FAN1: variants seen among roughly 807,000 people sequenced by gnomAD.
The protein encoded by FAN1 is FANCD2 and FANCI associated nuclease 1.
Under a neutral mutation model 104.9 loss-of-function variants are expected in FAN1, and 91 were observed. That is an observed-to-expected ratio of 0.87 (90% CI 0.73 to 1.03). The LOEUF is 1.03. Among genes scored for constraint, FAN1 ranks in the 50% least tolerant of loss-of-function variants. The pLI, the probability that FAN1 is intolerant of heterozygous loss-of-function variation, is 0.00. For synonymous variants in FAN1, 478 were observed against 457.6 expected, an observed-to-expected ratio of 1.04 and a Z score of -0.57; for missense variants, 1,263 against 1,239.9, an observed-to-expected ratio of 1.02 and a Z score of -0.28.
At chr15:30,910,161 T>C (rs2062066738) in intron 3 of FAN1, among the ~76,000 whole-genome samples, 1 of 152,222 alleles carries the variant, frequency 6.6e-6, no homozygotes, top group Non-Finnish European at 1.5e-5. Flanking sequence ...CCAAGGTTGG[T>C]GTCGGGGCCC....
chr15:30,924,751 C>T (rs995644471), intron 8 of FAN1, among the ~76,000 whole-genome samples: 8 of 140,944 alleles, frequency 5.7e-5, no homozygotes, highest in African/African-American at 1.1e-4. Context: ...TGTGTGGATC[C>T]GGGGTGGGAC....
chr15:30,934,881 TCTA>T (rs1308213300), intron 13 of FAN1, among the ~76,000 whole-genome samples: 1 of 152,250 alleles, frequency 6.6e-6, no homozygotes, highest in East Asian at 1.9e-4. Flanking sequence ...ATATTTTACT[TCTA>T]CGTGTTATAT....
Position 30,905,472 on chromosome 15 carries a change from C to G in FAN1, c.809C>G (p.Thr270Ser). ...ATCATGTTATTCTCACCAGATTTCA[C>G]TCTTAGGAATACATTAAAGTCTACT... ...NAIMLFSPDFTLRNTLKSTSE... is the reference protein window; with the variant it reads ...NAIMLFSPDFSLRNTLKSTSE... Residue 270 changes from threonine (T) to serine (S), a missense_variant, in exon 2 of 15, where the codon ACT becomes AGT. Physicochemically the swap from Thr to Ser is moderately conservative, Grantham distance 58. This residue lies in a region of FAN1 where 682 missense variants were observed against 571.1 expected (regional missense o/e 1.19). Transcript: ENST00000362065. The G allele has an allele frequency of 3.7e-6, 6 of 1,613,942 alleles. No individual in the cohort carries two copies. Among genetic ancestry groups the G allele is most frequent in the Non-Finnish European group, 4.2e-6 (5 of 1,179,842 alleles).
In FAN1 at chr15:30,941,664, T is replaced by C; in HGVS notation, c.*102T>C. On this transcript the variant is annotated 3_prime_UTR_variant, in exon 15 of 15. Transcript: ENST00000362065. ...CCGCTGGCGTTGAAGTACATCCTGC[T>C]CTGGCCCAGCTCCCCATAGCAGGCC... The C allele has an allele frequency of 6.2e-7, 1 of 1,613,140 alleles. No individual in the cohort carries two copies. The highest frequency in any genetic ancestry group is 8.5e-7 in the Non-Finnish European group (1 of 1,179,544).
At chr15:30,912,446 T>C (rs1159687083) in intron 4 of FAN1, among the ~76,000 whole-genome samples, 1 of 152,256 alleles carries the variant, frequency 6.6e-6, no homozygotes, top group Non-Finnish European at 1.5e-5. Context: ...TTTTGCAGAC[T>C]GGAGGCTGTG....
intron 13 of FAN1, among the ~76,000 whole-genome samples, chr15:30,936,806 C>T (rs1490609834): frequency 6.6e-6 from 1 of 152,210 alleles, no homozygotes; most frequent in African/African-American, 2.4e-5. Context: ...TGGTTATCCT[C>T]ATGATCATGT....
intron 6 of FAN1, 113 bp downstream of exon 6, chr15:30,918,408 A>G: frequency 9.1e-7 from 1 of 1,102,384 alleles, no homozygotes; most frequent in East Asian, 2.4e-5. Flanking sequence ...TGGTTAAACC[A>G]GCTGTGGAAT....
intron 3 of FAN1, among the ~76,000 whole-genome samples, chr15:30,909,820 G>A (rs569934926): frequency 3.9e-4 from 59 of 152,300 alleles, no homozygotes; most frequent in Non-Finnish European, 6.9e-4. Context: ...TCCCCGCTGC[G>A]TGGTGTTACC....
intron 13 of FAN1, among the ~76,000 whole-genome samples, chr15:30,934,837 A>G (rs946709671): frequency 1.3e-5 from 2 of 152,172 alleles, no homozygotes; most frequent in African/African-American, 4.8e-5. Flanking sequence ...TCAATAATAT[A>G]TATCTTCCCT....
In FAN1 at chr15:30,941,625, C is replaced by T. The variant is rs192270290; in HGVS notation, c.*63C>T. The T allele has an allele frequency of 3.5e-5, 56 of 1,605,476 alleles. No homozygotes were observed. Among genetic ancestry groups the T allele is most frequent in the Admixed American group, 3.4e-4 (20 of 58,144 alleles). On this transcript the variant is annotated 3_prime_UTR_variant, in exon 15 of 15. Coordinates refer to ENST00000362065, the MANE Select transcript of FAN1 (RefSeq NM_014967.5). Reference sequence around the variant, plus strand: ...AGAAACTCCGGTGTCCCCGAGGTGTCGGTGTGGTGAGGGCCGCTGGCGTTG... The same window carrying T: ...AGAAACTCCGGTGTCCCCGAGGTGTTGGTGTGGTGAGGGCCGCTGGCGTTG...
chr15:30,937,320 GTTTTA>G (rs748704202), intron 14 of FAN1, 61 bp downstream of exon 14: 4 of 1,492,428 alleles, frequency 2.7e-6, no homozygotes, highest in African/African-American at 2.8e-5. Flanking sequence ...TATAAAACAT[GTTTTA>G]TTTAATTTTG....
rs553616266 is a variant in FAN1, at chr15:30,938,691, T to C, written c.*3+1432T>C. Among the ~76,000 whole-genome samples, 10 of 152,202 alleles carry C rather than the reference T, an allele frequency of 6.6e-5. No homozygotes were observed. The East Asian group carries it at 1.9e-3, about 29-fold the overall frequency. On this transcript the variant is annotated intron_variant, in intron 14 of 14. Transcript: ENST00000362065. The stretch of plus-strand genomic sequence containing the variant: ...TCTTTGAAGCCTTCTTGGGGGAATA[T>C]TACTCCCCAGTTTTTATATTTATTT...
intron 5 of FAN1, among the ~76,000 whole-genome samples, chr15:30,914,348 C>G (rs1056258593): frequency 1.3e-5 from 2 of 152,056 alleles, no homozygotes; most frequent in Non-Finnish European, 2.9e-5. Context: ...TTCCAAGTAC[C>G]TTTGGAAGGG....
intron 10 of FAN1, chr15:30,927,868 C>T: frequency 2.0e-6 from 2 of 985,710 alleles, no homozygotes; most frequent in Non-Finnish European, 2.4e-6. Flanking sequence ...GACCCTGCCT[C>T]TGACTCTGTG....
rs773801463 is a variant in FAN1, at chr15:30,904,972, A to G, written c.309A>G (p.Pro103=). ...TLEDVTPKKS[P]PPKTNLTPGQ... is the part of the protein sequence containing the mutation. Reference sequence around the variant, plus strand: ...AAGATGTAACACCTAAGAAGTCACCACCACCAAAGACAAATTTAACCCCTG... The same window carrying G: ...AAGATGTAACACCTAAGAAGTCACCGCCACCAAAGACAAATTTAACCCCTG... The change falls in exon 2 of 15, where the codon CCA becomes CCG. Residue 103 remains proline (P), a synonymous_variant. Coordinates refer to ENST00000362065, the MANE Select transcript of FAN1 (RefSeq NM_014967.5). 1.2e-6 allele frequency: 2 copies of G among 1,614,080 alleles called. No individual in the cohort carries two copies. The highest frequency in any genetic ancestry group is 1.7e-5 in the Admixed American group (1 of 60,028).
chr15:30,925,575 C>T (rs2140936138), intron 9 of FAN1, among the ~76,000 whole-genome samples: 1 of 152,324 alleles, frequency 6.6e-6, no homozygotes. Flanking sequence ...TCACTGGGGA[C>T]CTGTAGAGCA....
At chr15:30,932,716 C>CTTTTTTT (rs60673122) in intron 13 of FAN1, among the ~76,000 whole-genome samples, 11 of 134,358 alleles carry the variant, frequency 8.2e-5, no homozygotes, top group East Asian at 2.1e-4. Flanking sequence ...TGTTTCTTTT[C>CTTTTTTT]TTTTTTTTTT....
At chr15:30,937,050 T>A in intron 13 of FAN1, 69 bp from the exon 14 acceptor site, 1 of 1,362,042 alleles carries the variant, frequency 7.3e-7, no homozygotes. Flanking sequence ...CAGTGACAAC[T>A]ACAACTTACT....
At position 30,929,359 on chromosome 15, in the gene FAN1, G is replaced by T. The variant is rs1429172333; in HGVS notation, c.2749G>T (p.Val917Phe). ...HEQEGRVASL[V>F]SWDRFTSLQQ... ...GCAGGAAGGCAGAGTGGCTTCCCTT[G>T]TCAGCTGGGATCGCTTCACGTCTCT... is the stretch of plus-strand genomic sequence containing the variant. Residue 917 changes from valine to phenylalanine, a missense_variant, in exon 12 of 15, where the codon GTC becomes TTC. Physicochemically the swap from Val to Phe is conservative, Grantham distance 50. Coordinates refer to ENST00000362065, the MANE Select transcript of FAN1 (RefSeq NM_014967.5). 2 of 1,611,544 alleles carry T rather than the reference G, an allele frequency of 1.2e-6. No individual in the cohort carries two copies. The highest frequency in any genetic ancestry group is 2.7e-5 in the African/African-American group (2 of 74,754).
Sources: allele counts gnomAD v4.1 joint callset (sites outside exome capture counted in the v4.1 genomes callset), GRCh38; gene constraint gnomAD v4.1.1; regional missense constraint gnomAD v4.1.1; transcripts MANE v1.5; gene names NCBI Gene and HGNC (gene_info 2026-07-23, HGNC 2026-07-21).